Variants in DUSP11 observed in about 807,000 individuals in gnomAD.
The protein encoded by DUSP11 is RNA/RNP complex-1-interacting phosphatase.
A neutral mutation model predicts 41.4 loss-of-function variants in DUSP11; 27 were observed. The ratio of observed to expected loss-of-function variants is 0.65; its 90% CI spans 0.48 to 0.90. The LOEUF (loss-of-function observed/expected upper bound fraction) is 0.90. Ranked by LOEUF, DUSP11 falls within the 40% of genes least tolerant of loss-of-function variation. DUSP11 has a pLI of 0.00. For missense variants in DUSP11, 465 were observed against 461.1 expected (o/e 1.01, Z -0.08); for synonymous variants, 188 against 159.3 (o/e 1.18, Z -1.35).
Position 73,778,959 on chromosome 2 carries a change from C to A in DUSP11, c.243-583G>T, listed in dbSNP as rs568693466. ...GGTCAGGAGTTCGAGACCAGCCTGA[C>A]CCACATGGTGAAACCCCATCTCTAC... On this transcript the variant is annotated intron_variant, in intron 1 of 8. Coordinates refer to ENST00000272444, the Ensembl canonical transcript of DUSP11. 7.9e-5 allele frequency among the ~76,000 whole-genome samples: 12 copies of A among 152,116 alleles called. 1 individual carries two copies. The highest frequency in any genetic ancestry group is 2.9e-4 in the African/African-American group (12 of 41,478).
chr2:73,777,557 T>C (rs1672709630), intron 2 of DUSP11, among the ~76,000 whole-genome samples: 1 of 152,202 alleles, frequency 6.6e-6, no homozygotes, highest in Non-Finnish European at 1.5e-5. Flanking sequence ...AATACAATCT[T>C]CAGATTTTCC....
chr2:73,775,020 C>T, exon 3 of DUSP11: 2 of 1,611,426 alleles, frequency 1.2e-6, no homozygotes, highest in East Asian at 4.5e-5. Flanking sequence ...AAGCATTCTT[C>T]TGGAGCAAGT....
chr2:73,779,562 G>A (rs1019295296), intron 1 of DUSP11: 5 of 387,226 alleles, frequency 1.3e-5, no homozygotes, highest in East Asian at 4.9e-5. Flanking sequence ...AAGGAATTGA[G>A]GAGGTTCCAT....
chr2:73,765,569 CATCT>C (rs200497897), intron 8 of DUSP11, among the ~76,000 whole-genome samples: 2 of 151,538 alleles, frequency 1.3e-5, no homozygotes, highest in Middle Eastern at 3.2e-3. Flanking sequence ...TCCACCCATC[CATCT>C]ATCCATCCAT....
intron 5 of DUSP11, chr2:73,768,351 G>T (rs1184770428): frequency 5.3e-6 from 3 of 565,260 alleles, no homozygotes; most frequent in Non-Finnish European, 6.7e-6. Context: ...TAGACTGTTA[G>T]GACGCACAAA....
chr2:73,778,215 G>T (rs1238406591), intron 2 of DUSP11, 86 bp downstream of exon 2: 1 of 880,980 alleles, frequency 1.1e-6, no homozygotes, highest in East Asian at 3.0e-5. Flanking sequence ...TATAAAAAGA[G>T]AAAATGGAAT....
chr2:73,766,715 A>C (rs1672473111), intron 7 of DUSP11, 113 bp downstream of exon 7: 3 of 1,358,296 alleles, frequency 2.2e-6, no homozygotes, highest in South Asian at 1.3e-5. Flanking sequence ...ATTTGTTTAC[A>C]TCTCCCCCCA....
chr2:73,773,937 C>A lies in DUSP11; in HGVS notation c.451-14G>T. The A allele has an allele frequency of 1.3e-6, 2 of 1,551,190 alleles. No individual in the cohort carries two copies. Among genetic ancestry groups the A allele is most frequent in the Non-Finnish European group, 8.8e-7 (1 of 1,141,958 alleles). On this transcript the variant is annotated splice_polypyrimidine_tract_variant and intron_variant, in intron 3 of 8. Coordinates refer to ENST00000272444, the Ensembl canonical transcript of DUSP11. ...TTCTGGCAAATCCTATAAAGCAAAA[C>A]CATAAAAGATGTGTATTATTTCACT...
intron 5 of DUSP11, 124 bp from the exon 6 acceptor site, chr2:73,767,331 C>T (rs1672484172): frequency 1.4e-6 from 1 of 735,600 alleles, no homozygotes. Flanking sequence ...ATCAGCACAT[C>T]AAATCCAGCA....
chr2:73,767,523 C>T (rs930051504), intron 5 of DUSP11: 4 of 205,460 alleles, frequency 1.9e-5, no homozygotes, highest in African/African-American at 9.3e-5. Flanking sequence ...TAGAGACTTC[C>T]TTAATATGAC....
chr2:73,766,938 CAAAAAGCAGATCTTTCCAG>C (rs773367798), intron 6 of DUSP11, 35 bp from the exon 7 acceptor site: 1 of 1,574,178 alleles, frequency 6.4e-7, no homozygotes, highest in Non-Finnish European at 8.7e-7. Context: ...AATAACTGTA[CAAAAAGCAGATCTTTCCAG>C]AAAAAGCAAA....
rs146598466 is a variant in DUSP11 at position 73,772,950 on chromosome 2, A to G, written c.574+850T>C. On this transcript the variant is annotated intron_variant, in intron 4 of 8. Transcript: ENST00000272444. Reference sequence around the variant, plus strand: ...GTCAGATTTATGTAACAAAGTGTACACTCCTCAAGCTAAATTTGGAAAGAA... The same window carrying G: ...GTCAGATTTATGTAACAAAGTGTACGCTCCTCAAGCTAAATTTGGAAAGAA... 1.6e-4 allele frequency among the ~76,000 whole-genome samples: 25 copies of G among 152,260 alleles called. No homozygotes were observed. The East Asian group carries it at 4.2e-3, about 26-fold the overall frequency.
At chr2:73,763,734 A>T (rs1022411626) in intron 8 of DUSP11, among the ~76,000 whole-genome samples, 3 of 152,170 alleles carry the variant, frequency 2.0e-5, no homozygotes, top group African/African-American at 7.2e-5. Context: ...ACAAAAAAAA[A>T]TAAAGAAACT....
At chr2:73,775,139 G>T in intron 2 of DUSP11, 95 bp from the exon 3 acceptor site, 1 of 1,058,074 alleles carries the variant, frequency 9.5e-7, no homozygotes. Flanking sequence ...CATACAACGA[G>T]ATTCAAAGGA....
At chr2:73,762,743 C>T (rs1672386926) in exon 9 of DUSP11, 5 of 1,613,642 alleles carry the variant, frequency 3.1e-6, no homozygotes, top group East Asian at 2.2e-5. Context: ...CTGGGCTGCC[C>T]GACTGGCATT....
chr2:73,766,047 C>T (rs572847479), intron 8 of DUSP11, among the ~76,000 whole-genome samples: 1 of 152,192 alleles, frequency 6.6e-6, no homozygotes, highest in Non-Finnish European at 1.5e-5. Flanking sequence ...CGGTGGCTCA[C>T]GCCTATAATC....
At chr2:73,762,522 A>G (rs1189846256) in exon 9 of DUSP11, 25 of 514,422 alleles carry the variant, frequency 4.9e-5, no homozygotes. Context: ...AGAGGTAAAC[A>G]GCAATGCAAT....
intron 5 of DUSP11, chr2:73,768,545 A>T (rs1245294613): frequency 1.0e-6 from 1 of 985,298 alleles, no homozygotes; most frequent in Non-Finnish European, 1.2e-6. Context: ...CGGGGCTATG[A>T]GATATGCATT....
intron 8 of DUSP11, among the ~76,000 whole-genome samples, chr2:73,764,122 T>C (rs1037036995): frequency 3.3e-5 from 5 of 152,236 alleles, no homozygotes; most frequent in Non-Finnish European, 7.3e-5. Flanking sequence ...TATAGCTTTT[T>C]CTGTACTTTG....
Sources: allele counts gnomAD v4.1 joint callset (sites outside exome capture counted in the v4.1 genomes callset), GRCh38; gene constraint gnomAD v4.1.1; transcripts MANE v1.5; gene names NCBI Gene and HGNC (gene_info 2026-07-23, HGNC 2026-07-21).